The following WDR45B variants were observed in gnomAD, a reference collection of about 807,000 sequenced individuals.
WDR45B encodes the protein WD repeat domain 45B.
In WDR45B, 20 loss-of-function variants were observed where a neutral mutation model predicts 44.6. The observed-to-expected ratio is 0.45, with a 90% CI of 0.32 to 0.65. The LOEUF (loss-of-function observed/expected upper bound fraction) is 0.65, where lower values mean the gene tolerates loss of function less well. WDR45B is among the 30% of genes least tolerant of loss of function. The pLI, the probability that WDR45B is intolerant of heterozygous loss-of-function variation, is 0.05. For missense variants in WDR45B, 323 were observed against 430.2 expected (o/e 0.75, Z 2.20); for synonymous variants, 169 against 164.9 (o/e 1.02, Z -0.19).
At chr17:82,618,282 A>G (rs1007121723) in intron 7 of WDR45B, among the ~76,000 whole-genome samples, 1 of 152,220 alleles carries the variant, frequency 6.6e-6, no homozygotes, top group Non-Finnish European at 1.5e-5. Flanking sequence ...ATACTAGCCA[A>G]GGGGGAGGCA....
Position 82,621,812 on chromosome 17 carries a change from A to C in WDR45B, c.428-13T>G, listed in dbSNP as rs369496228. 1 of 1,613,878 alleles carries C rather than the reference A, an allele frequency of 6.2e-7. No homozygotes were observed. Among genetic ancestry groups the C allele is most frequent in the Non-Finnish European group, 8.5e-7 (1 of 1,179,950 alleles). On this transcript the variant is annotated splice_polypyrimidine_tract_variant and intron_variant, in intron 5 of 9. Transcript: ENST00000392325. ...AGGACACAGAGGCCTGCGTGGAGAC[A>C]GAGGACACCAATCAAGAACTGCCTT...
intron 5 of WDR45B, among the ~76,000 whole-genome samples, chr17:82,624,628 T>A (rs924271783): frequency 6.6e-6 from 1 of 151,004 alleles, no homozygotes; most frequent in Non-Finnish European, 1.5e-5. Flanking sequence ...ATTGAAGTTT[T>A]TTTTTTTTGA....
At chr17:82,637,090 A>G (rs1256806742) in intron 2 of WDR45B, among the ~76,000 whole-genome samples, 2 of 152,002 alleles carry the variant, frequency 1.3e-5, no homozygotes, top group African/African-American at 2.4e-5. Flanking sequence ...TGCCTTACTG[A>G]GAGAATTAAA....
intron 7 of WDR45B, 55 bp from the exon 8 acceptor site, chr17:82,617,452 G>A: frequency 1.3e-6 from 2 of 1,563,832 alleles, no homozygotes; most frequent in Non-Finnish European, 1.8e-6. Flanking sequence ...GGAGTCCAGA[G>A]ACTTAACCCA....
chr17:82,644,430 G>C (rs1251969988), intron 1 of WDR45B: 3 of 257,834 alleles, frequency 1.2e-5, no homozygotes, highest in Non-Finnish European at 2.3e-5. Context: ...GGTAGTCCTA[G>C]ACTCCAGGAA....
At chr17:82,638,815 A>G (rs566443965) in intron 2 of WDR45B, among the ~76,000 whole-genome samples, 10 of 152,124 alleles carry the variant, frequency 6.6e-5, no homozygotes, top group Non-Finnish European at 1.0e-4. Flanking sequence ...AAACACTGTG[A>G]AACAACATCA....
At chr17:82,625,542 T>C in intron 4 of WDR45B, 59 bp from the exon 5 acceptor site, 1 of 1,451,200 alleles carries the variant, frequency 6.9e-7, no homozygotes, top group South Asian at 1.1e-5. Context: ...AAACATTTTA[T>C]GCTCCTGTTC....
intron 6 of WDR45B, 132 bp from the exon 7 acceptor site, chr17:82,619,260 T>TA: frequency 1.2e-6 from 1 of 845,918 alleles, no homozygotes; most frequent in East Asian, 2.7e-5. Context: ...ATCTACTACT[T>TA]AACTTTCTCC....
chr17:82,629,237 G>C (rs924415954), intron 3 of WDR45B, among the ~76,000 whole-genome samples: 2 of 152,212 alleles, frequency 1.3e-5, no homozygotes. Context: ...TAGGGCAAGG[G>C]AGGCGGCCCT....
At chr17:82,638,586 G>C (rs1568014488) in intron 2 of WDR45B, among the ~76,000 whole-genome samples, 1 of 151,902 alleles carries the variant, frequency 6.6e-6, no homozygotes, top group Non-Finnish European at 1.5e-5. Flanking sequence ...ATTCCACTAA[G>C]AGATGCTTGA....
chr17:82,618,460 AAC>A, intron 7 of WDR45B, among the ~76,000 whole-genome samples: 1 of 152,340 alleles, frequency 6.6e-6, no homozygotes, highest in African/African-American at 2.4e-5. Flanking sequence ...CATTGCCTTA[AAC>A]ACAAGCCAGA....
At chr17:82,644,216 G>A (rs1034844750) in intron 1 of WDR45B, 193 bp from the exon 2 acceptor site, 8 of 647,060 alleles carry the variant, frequency 1.2e-5, no homozygotes, top group Non-Finnish European at 1.9e-5. Context: ...AGGGCATTTT[G>A]TTTGTCCTTT....
intron 3 of WDR45B, among the ~76,000 whole-genome samples, chr17:82,627,996 T>A (rs937288323): frequency 1.3e-5 from 2 of 152,212 alleles, no homozygotes; most frequent in Non-Finnish European, 2.9e-5. Context: ...TTCCTCTTTT[T>A]CTGTTTTTCT....
intron 2 of WDR45B, among the ~76,000 whole-genome samples, chr17:82,639,303 C>T (rs2143359918): frequency 6.6e-6 from 1 of 152,128 alleles, no homozygotes; most frequent in South Asian, 2.1e-4. Flanking sequence ...CAGTAATCAC[C>T]CCTTTCATGA....
chr17:82,633,724 A>G (rs1039405631), intron 2 of WDR45B, among the ~76,000 whole-genome samples: 2 of 152,180 alleles, frequency 1.3e-5, no homozygotes, highest in Non-Finnish European at 2.9e-5. Flanking sequence ...AAAAAATTAA[A>G]AAGAGGCTGG....
intron 7 of WDR45B, 36 bp downstream of exon 7, chr17:82,619,007 G>T (rs201772476): frequency 1.7e-5 from 28 of 1,604,216 alleles, no homozygotes; most frequent in Non-Finnish European, 2.3e-5. Context: ...CTGTCAGCCC[G>T]AAGTTCTTCT....
rs373710823 is a variant in WDR45B, at chr17:82,621,683, G to C, written c.544C>G (p.Pro182Ala). 7.4e-6 allele frequency: 12 copies of C among 1,614,080 alleles called. No homozygotes were observed. In the African/African-American group the frequency reaches 9.3e-5, roughly 13 times the overall value. ...ASTEKPPVDIPAHEGVLSCIA... is the reference protein window; with the variant it reads ...ASTEKPPVDIAAHEGVLSCIA... Reference sequence around the variant, plus strand: ...CAGCTCAGGACACCCTCGTGTGCAGGAATGTCCACGGGTGGCTTCTCCGTG... The same window carrying C: ...CAGCTCAGGACACCCTCGTGTGCAGCAATGTCCACGGGTGGCTTCTCCGTG... Residue 182 changes from proline to alanine, a missense_variant, in exon 6 of 10, where the codon CCT becomes GCT. Physicochemically the swap from Pro to Ala is conservative, Grantham distance 27 (BLOSUM62 -1). Transcript: ENST00000392325.
rs1474306902 is a variant in WDR45B at position 82,647,474 on chromosome 17, C to T, written c.67+800G>A. On this transcript the variant is annotated intron_variant, in intron 1 of 9. Transcript: ENST00000392325. Reference sequence around the variant, plus strand: ...CCGCGGGAATCCGACCGCGCCGCCCCGGCCGCATCCCCCGCAGCTCCGAAG... The same window carrying T: ...CCGCGGGAATCCGACCGCGCCGCCCTGGCCGCATCCCCCGCAGCTCCGAAG... 5.9e-5 allele frequency among the ~76,000 whole-genome samples: 9 copies of T among 152,350 alleles called. No homozygotes were observed. In the East Asian group the frequency reaches 1.7e-3, roughly 29 times the overall value.
intron 2 of WDR45B, among the ~76,000 whole-genome samples, chr17:82,642,870 G>A (rs758667074): frequency 3.3e-5 from 5 of 152,204 alleles, no homozygotes; most frequent in Non-Finnish European, 7.3e-5. Flanking sequence ...CAACTCTCCT[G>A]TAAGCTTCTG....
Sources: allele counts gnomAD v4.1 joint callset (sites outside exome capture counted in the v4.1 genomes callset), GRCh38; gene constraint gnomAD v4.1.1; transcripts MANE v1.5; gene names NCBI Gene and HGNC (gene_info 2026-07-23, HGNC 2026-07-21).